The following CENPK variants were observed in gnomAD, a reference collection of about 807,000 sequenced individuals.
CENPK encodes the protein SoxLZ/Sox6-binding protein Solt.
CENPK carries 46 observed loss-of-function variants against 40.9 expected under a neutral mutation model. The observed-to-expected ratio is 1.13, with a 90% CI of 0.89 to 1.44. The LOEUF (loss-of-function observed/expected upper bound fraction) is 1.44. Ranked by LOEUF, CENPK falls within the 40% of genes most tolerant of loss-of-function variation. CENPK has a pLI of 0.00. For missense variants in CENPK, 288 were observed against 303.5 expected, an observed-to-expected ratio of 0.95 and a Z score of 0.38; for synonymous variants, 107 against 104.4, an observed-to-expected ratio of 1.02 and a Z score of -0.15.
chr5:65,551,922 AC>A (rs1750138345), intron 4 of CENPK, among the ~76,000 whole-genome samples: 1 of 151,558 alleles, frequency 6.6e-6, no homozygotes, highest in Admixed American at 6.6e-5. Context: ...AATATCTGTG[AC>A]TATTATACCT....
chr5:65,536,806 C>G (rs1015987177), intron 6 of CENPK, among the ~76,000 whole-genome samples: 4 of 152,162 alleles, frequency 2.6e-5, no homozygotes, highest in Admixed American at 6.5e-5. Flanking sequence ...TTCCAACTGT[C>G]CTTTTTTCCC....
downstream of CENPK, among the ~76,000 whole-genome samples, chr5:65,515,217 T>TTTTTTTTTTTTTTG (rs1742780115): frequency 6.7e-6 from 1 of 148,660 alleles, no homozygotes; most frequent in Non-Finnish European, 1.5e-5. Context: ...TTTTTTTTTT[T>TTTTTTTTTTTTTTG]TTTTGAGACG....
chr5:65,529,962 G>C (rs113470058), intron 6 of CENPK, among the ~76,000 whole-genome samples: 1 of 151,170 alleles, frequency 6.6e-6, no homozygotes, highest in African/African-American at 2.4e-5. Flanking sequence ...GTGCCACCAC[G>C]CCCAGCTAAT....
rs869192025 is a variant in CENPK, at chr5:65,545,324, GCACACACACACACACACACACA to G, written c.242-2498_242-2477del. On this transcript the variant is annotated intron_variant, in intron 5 of 10. Coordinates refer to ENST00000396679, the MANE Select transcript of CENPK (RefSeq NM_022145.5). ...GACAAAGAAAAAGTCCTCAAAGCGCGCACACACACACACACACACACACACACACACACACACACACACACAC... is the reference window on the plus strand; with the variant it reads ...GACAAAGAAAAAGTCCTCAAAGCGCGCACACACACACACACACACACACAC... Among the ~76,000 whole-genome samples the G allele has an allele frequency of 7.5e-4, 48 of 64,370 alleles. No individual in the cohort carries two copies. The East Asian group carries it at 7.5e-3, about 10-fold the overall frequency. The allele number at this position is 64,370 out of a possible 152,430, so 42.2% of individuals were successfully genotyped here. A position where few individuals can be genotyped will look rare whatever the true frequency, so the allele number is the denominator to read the frequency against.
At chr5:65,518,752 T>A in intron 10 of CENPK, 119 bp from the exon 11 acceptor site, 1 of 607,944 alleles carries the variant, frequency 1.6e-6, no homozygotes, top group South Asian at 2.5e-5. Context: ...TTTAATACTT[T>A]TAATCTACAA....
chr5:65,554,505 T>G (rs192901346), intron 3 of CENPK, among the ~76,000 whole-genome samples: 1 of 152,250 alleles, frequency 6.6e-6, no homozygotes, highest in African/African-American at 2.4e-5. Flanking sequence ...CTAAGTATAG[T>G]CTTTGTACTT....
the CENPK span, among the ~76,000 whole-genome samples, chr5:65,512,474 CCAAT>C: frequency 6.6e-6 from 1 of 152,172 alleles, no homozygotes; most frequent in Non-Finnish European, 1.5e-5. Context: ...AACCACTACC[CCAAT>C]CAGTCAGCAG....
chr5:65,503,247 C>T, the CENPK span, among the ~76,000 whole-genome samples: 1 of 151,238 alleles, frequency 6.6e-6, no homozygotes, highest in Non-Finnish European at 1.5e-5. Flanking sequence ...GCTGGGATTA[C>T]AGGCACACAC....
chr5:65,499,447 C>T, the CENPK span, among the ~76,000 whole-genome samples: 1 of 151,442 alleles, frequency 6.6e-6, no homozygotes, highest in Non-Finnish European at 1.5e-5. Context: ...GCTTTTAAGA[C>T]TTTTTGCCTT....
At chr5:65,555,449 T>C (rs556211219) in intron 2 of CENPK, among the ~76,000 whole-genome samples, 2 of 152,132 alleles carry the variant, frequency 1.3e-5, no homozygotes, top group African/African-American at 2.4e-5. Context: ...AGAGAGACAA[T>C]AGGGATGAGA....
At chr5:65,496,258 A>AAAAC in the CENPK span, among the ~76,000 whole-genome samples, 3 of 151,788 alleles carry the variant, frequency 2.0e-5, no homozygotes, top group Non-Finnish European at 4.4e-5. Context: ...TGTCTCAAAC[A>AAAAC]AAACAAAACA....
chr5:65,497,588 G>A, the CENPK span, among the ~76,000 whole-genome samples: 65 of 152,252 alleles, frequency 4.3e-4, no homozygotes, highest in Non-Finnish European at 7.6e-4. Context: ...TTACAAACAA[G>A]TCATAAGTTC....
chr5:65,551,533 A>C lies in CENPK; in HGVS notation c.241+31T>G, dbSNP rs1750046620. On this transcript the variant is annotated intron_variant, in intron 5 of 10. Coordinates refer to ENST00000396679, the MANE Select transcript of CENPK (RefSeq NM_022145.5). ...ATTAATTTGCTATTAATAGGTTTACAAAAAATTCAAATTTAAAATAAGAAT... is the reference window on the plus strand; with the variant it reads ...ATTAATTTGCTATTAATAGGTTTACCAAAAATTCAAATTTAAAATAAGAAT... 8 of 1,287,752 alleles carry C rather than the reference A, an allele frequency of 6.2e-6. No individual in the cohort carries two copies. The East Asian group carries it at 1.9e-4, about 31-fold the overall frequency. The allele number at this position is 1,287,752 out of a possible 1,614,324, so 79.8% of individuals were successfully genotyped here. A position where few individuals can be genotyped will look rare whatever the true frequency, so the allele number is the denominator to read the frequency against.
chr5:65,521,632 T>C lies in CENPK; in HGVS notation c.598-104A>G, dbSNP rs1395438854. The stretch of plus-strand genomic sequence containing the variant: ...CTTTTATTTCTGAGACAGAGTTTCA[T>C]TCTTGGCGCCCAGGCTGGAGTGCAA... On this transcript the variant is annotated intron_variant, in intron 9 of 10. Transcript: ENST00000396679. 1.2e-5 allele frequency: 10 copies of C among 811,188 alleles called. No homozygotes were observed. In the Middle Eastern group the frequency reaches 1.5e-3, roughly 118 times the overall value. 50.2% of individuals were successfully genotyped at this position (811,188 alleles called of 1,614,324 possible).
intron 9 of CENPK, 117 bp from the exon 10 acceptor site, chr5:65,521,645 G>A (rs1011323041): frequency 1.4e-6 from 1 of 728,056 alleles, no homozygotes; most frequent in East Asian, 3.0e-5. Flanking sequence ...TTGGCGCCCA[G>A]GCTGGAGTGC....
At chr5:65,514,786 G>T (rs1048319865), downstream of CENPK, among the ~76,000 whole-genome samples, 5 of 152,112 alleles carry the variant, frequency 3.3e-5, no homozygotes, top group Admixed American at 3.3e-4. Context: ...AGTTTTGGTA[G>T]GTTGCGTCTT....
At chr5:65,558,858 G>T (rs1299612525) in intron 2 of CENPK, among the ~76,000 whole-genome samples, 1 of 152,180 alleles carries the variant, frequency 6.6e-6, no homozygotes, top group African/African-American at 2.4e-5. Context: ...TCATCTATAA[G>T]GATATTAAAA....
intron 6 of CENPK, among the ~76,000 whole-genome samples, chr5:65,532,149 T>A (rs974693658): frequency 2.6e-5 from 4 of 152,104 alleles, no homozygotes; most frequent in African/African-American, 9.7e-5. Flanking sequence ...ATGAATAAAT[T>A]CTTTGAGAGA....
chr5:65,527,265 A>G (rs1744872260), intron 9 of CENPK, among the ~76,000 whole-genome samples: 1 of 151,740 alleles, frequency 6.6e-6, no homozygotes, highest in African/African-American at 2.4e-5. Flanking sequence ...TATAAGGCAC[A>G]AAAAAGTGAG....
Sources: allele counts gnomAD v4.1 joint callset (sites outside exome capture counted in the v4.1 genomes callset), GRCh38; gene constraint gnomAD v4.1.1; transcripts MANE v1.5; gene names NCBI Gene and HGNC (gene_info 2026-07-23, HGNC 2026-07-21).